FMNL2: variants seen among roughly 807,000 people sequenced by gnomAD.
The protein encoded by FMNL2 is formin-like protein 2.
FMNL2 carries 51 observed loss-of-function variants against 130.2 expected under a neutral mutation model. That is an observed-to-expected ratio of 0.39 (90% CI 0.31 to 0.49). FMNL2 has a LOEUF of 0.49. FMNL2 is among the 20% of genes least tolerant of loss of function. The probability of loss-of-function intolerance (pLI) is 0.85; values close to 1 mark genes in which losing one functional copy is unlikely to be tolerated. For missense variants in FMNL2, 977 were observed against 1,316.2 expected, an observed-to-expected ratio of 0.74 and a Z score of 3.99; for synonymous variants, 465 against 467.1, an observed-to-expected ratio of 1.00 and a Z score of 0.06.
intron 1 of FMNL2, among the ~76,000 whole-genome samples, chr2:152,479,535 G>A (rs1372124597): frequency 6.6e-6 from 1 of 152,058 alleles, no homozygotes; most frequent in Non-Finnish European, 1.5e-5. Context: ...GTTTGAGTAT[G>A]TCATCTTTAT....
At chr2:152,577,770 A>T (rs185483982) in intron 7 of FMNL2, among the ~76,000 whole-genome samples, 6 of 152,258 alleles carry the variant, frequency 3.9e-5, no homozygotes, top group Admixed American at 6.5e-5. Flanking sequence ...TCTTGGCAAG[A>T]ACAGTTCATT....
At chr2:152,453,205 G>A (rs1282005707) in intron 1 of FMNL2, among the ~76,000 whole-genome samples, 2 of 138,314 alleles carry the variant, frequency 1.4e-5, no homozygotes, top group Non-Finnish European at 3.1e-5. Flanking sequence ...CTGTCTTGGC[G>A]TCAGGGGGTG....
At chr2:152,372,327 T>C (rs1335181941) in intron 1 of FMNL2, among the ~76,000 whole-genome samples, 1 of 152,218 alleles carries the variant, frequency 6.6e-6, no homozygotes, top group Non-Finnish European at 1.5e-5. Context: ...TGTTTCCTAA[T>C]GTGTTGATTA....
At chr2:152,352,472 A>G (rs11687067) in intron 1 of FMNL2, among the ~76,000 whole-genome samples, 77,850 of 152,116 alleles carry the variant, frequency 0.51, 24,045 homozygotes, top group Non-Finnish European at 0.72. Context: ...TTGACTCCCA[A>G]TGCAAAAATA....
At chr2:152,542,282 T>C (rs1694353010) in intron 2 of FMNL2, among the ~76,000 whole-genome samples, 1 of 152,248 alleles carries the variant, frequency 6.6e-6, no homozygotes, top group African/African-American at 2.4e-5. Flanking sequence ...TCAAATCTTT[T>C]GTTATTTTCA....
intron 2 of FMNL2, among the ~76,000 whole-genome samples, chr2:152,538,915 A>G (rs889150803): frequency 6.6e-6 from 1 of 152,234 alleles, no homozygotes; most frequent in Non-Finnish European, 1.5e-5. Context: ...TTTATTTTGA[A>G]GGACTTCAGA....
At chr2:152,448,448 T>C (rs1489389171) in intron 1 of FMNL2, among the ~76,000 whole-genome samples, 1 of 152,122 alleles carries the variant, frequency 6.6e-6, no homozygotes, top group Non-Finnish European at 1.5e-5. Context: ...GATCTGAAAT[T>C]GTTAATTGTC....
chr2:152,636,014 G>C (rs1395734944), intron 21 of FMNL2, among the ~76,000 whole-genome samples: 5 of 152,128 alleles, frequency 3.3e-5, no homozygotes, highest in Non-Finnish European at 1.5e-5. Context: ...AAAACCTTAG[G>C]CTTGCTGCAG....
At position 152,617,172 on chromosome 2, in the gene FMNL2, A is replaced by G; in HGVS notation, c.1294A>G (p.Lys432Glu). ...GGAAAAGCAACTCATGCAGAGGAAC[A>G]AGGAGCTGGATGTCGTTCGGGTAAG... ...ELEKQLMQRNKELDVVREIYK... is the reference protein window; with the variant it reads ...ELEKQLMQRNEELDVVREIYK... Residue 432 changes from lysine (K) to glutamate (E), a missense_variant, in exon 13 of 26, where the codon AAG (lysine) becomes GAG (glutamate). By Grantham distance (56) the Lys-to-Glu change is moderately conservative. Coordinates refer to ENST00000288670, the MANE Select transcript of FMNL2 (RefSeq NM_052905.4). 1 of 1,614,010 alleles carries G rather than the reference A, an allele frequency of 6.2e-7. No individual in the cohort carries two copies. The highest frequency in any genetic ancestry group is 8.5e-7 in the Non-Finnish European group (1 of 1,179,870).
intron 10 of FMNL2, among the ~76,000 whole-genome samples, chr2:152,607,883 T>C (rs745529029): frequency 3.6e-5 from 5 of 138,014 alleles, no homozygotes; most frequent in Non-Finnish European, 7.7e-5. Flanking sequence ...GCAGCAGTGA[T>C]TTTTTTTTTC....
Position 152,465,878 on chromosome 2 carries a change from T to G in FMNL2, c.118-56065T>G, listed in dbSNP as rs528672037. Among the ~76,000 whole-genome samples, 8 of 152,334 alleles carry G rather than the reference T, an allele frequency of 5.3e-5. No individual in the cohort carries two copies. In the South Asian group the frequency reaches 1.5e-3, roughly 28 times the overall value. ...GGGAACATGGAGATGTGATAGAATA[T>G]CCCTGATAAAAGCATCAGTTTATGG... On this transcript the variant is annotated intron_variant, in intron 1 of 25. Transcript: ENST00000288670.
intron 1 of FMNL2, among the ~76,000 whole-genome samples, chr2:152,383,833 C>T (rs1318529685): frequency 1.3e-5 from 2 of 152,138 alleles, no homozygotes; most frequent in African/African-American, 4.8e-5. Flanking sequence ...GAGAAGTCAT[C>T]ATCAGTTTGA....
intron 1 of FMNL2, among the ~76,000 whole-genome samples, chr2:152,434,809 T>G (rs1201706383): frequency 6.6e-6 from 1 of 152,044 alleles, no homozygotes; most frequent in African/African-American, 2.4e-5. Context: ...TTATTCAGAG[T>G]TCCAGGGCCA....
intron 1 of FMNL2, among the ~76,000 whole-genome samples, chr2:152,416,971 C>T (rs1452190937): frequency 6.6e-6 from 1 of 152,142 alleles, no homozygotes; most frequent in Non-Finnish European, 1.5e-5. Flanking sequence ...TGGACTGTTC[C>T]AAGGAGGGCT....
chr2:152,473,904 T>C (rs150784308), intron 1 of FMNL2, among the ~76,000 whole-genome samples: 1,523 of 152,288 alleles, frequency 0.01, 29 homozygotes, highest in African/African-American at 0.035. Flanking sequence ...ACTTAGAGTC[T>C]CGCTCTGTCG....
At chr2:152,362,899 T>C (rs908269551) in intron 1 of FMNL2, among the ~76,000 whole-genome samples, 9 of 152,188 alleles carry the variant, frequency 5.9e-5, no homozygotes, top group African/African-American at 2.2e-4. Context: ...ACGGTGAATC[T>C]AGCAAACTAC....
intron 21 of FMNL2, among the ~76,000 whole-genome samples, chr2:152,635,926 T>C (rs1682561789): frequency 6.6e-6 from 1 of 152,174 alleles, no homozygotes; most frequent in Admixed American, 6.5e-5. Context: ...GGCAGGAGTT[T>C]GAAGGTGCAG....
intron 1 of FMNL2, among the ~76,000 whole-genome samples, chr2:152,348,876 G>A (rs978108245): frequency 3.6e-5 from 4 of 110,644 alleles, no homozygotes; most frequent in Admixed American, 9.6e-5. Context: ...CGCCCAGGCC[G>A]GACTGTGGAC....
chr2:152,477,347 A>C (rs1369483155), intron 1 of FMNL2, among the ~76,000 whole-genome samples: 1 of 152,224 alleles, frequency 6.6e-6, no homozygotes, highest in Non-Finnish European at 1.5e-5. Flanking sequence ...TACTCCTACA[A>C]ACTGGGGAAG....
Sources: gnomAD v4.1 joint callset for allele counts (sites outside exome capture counted in the v4.1 genomes callset) on GRCh38, gnomAD v4.1.1 for gene constraint, MANE v1.5 for transcripts, NCBI Gene and HGNC (gene_info 2026-07-23, HGNC 2026-07-21) for gene names.